The following SYNDIG1 variants were observed in gnomAD, a reference collection of about 807,000 sequenced individuals.
SYNDIG1 encodes synapse differentiation-inducing gene protein 1.
In SYNDIG1, 9 loss-of-function variants were observed where a neutral mutation model predicts 19.4. The observed-to-expected ratio is 0.46, with a 90% CI of 0.28 to 0.81. SYNDIG1 has a LOEUF of 0.81. Among genes scored for constraint, SYNDIG1 ranks in the 30% least tolerant of loss-of-function variants. The pLI is 0.12. For synonymous variants in SYNDIG1, 141 were observed against 145.9 expected (o/e 0.97, Z 0.24); for missense variants, 311 against 343.3 (o/e 0.91, Z 0.74).
At position 24,543,328 on chromosome 20, in the gene SYNDIG1, C is replaced by A; in HGVS notation, c.231C>A (p.Asn77Lys). The part of the protein sequence containing the change: ...SEPMQQLLDP[N>K]TLQQSVESRY... ...CGATGCAGCAGCTGCTGGACCCCAA[C>A]ACCCTGCAGCAGTCAGTGGAGTCCC... The change falls in exon 2 of 4, where the codon AAC becomes AAA. Residue 77 changes from asparagine (N) to lysine (K), a missense_variant. By Grantham distance (94) the Asn-to-Lys change is moderately conservative. Transcript: ENST00000376862. 1 of 1,613,566 alleles carries A rather than the reference C, an allele frequency of 6.2e-7. No homozygotes were observed. The highest frequency in any genetic ancestry group is 8.5e-7 in the Non-Finnish European group (1 of 1,180,022).
chr20:24,476,526 C>T (rs1427639641), intron 1 of SYNDIG1, among the ~76,000 whole-genome samples: 3 of 151,996 alleles, frequency 2.0e-5, no homozygotes, highest in East Asian at 2.0e-4. Flanking sequence ...AAAAATTAGC[C>T]GGACGTGGTG....
At chr20:24,532,040 G>A (rs1600540357) in intron 1 of SYNDIG1, among the ~76,000 whole-genome samples, 1 of 152,168 alleles carries the variant, frequency 6.6e-6, no homozygotes, top group African/African-American at 2.4e-5. Context: ...GTCACTTTGT[G>A]TTCCAGGCCA....
chr20:24,579,723 G>C (rs1439790600), intron 2 of SYNDIG1, among the ~76,000 whole-genome samples: 1 of 152,198 alleles, frequency 6.6e-6, no homozygotes, highest in Non-Finnish European at 1.5e-5. Context: ...CCTCAGTGCA[G>C]ATGTGGCCAT....
At chr20:24,531,973 C>A (rs964868679) in intron 1 of SYNDIG1, among the ~76,000 whole-genome samples, 5 of 152,230 alleles carry the variant, frequency 3.3e-5, no homozygotes, top group Non-Finnish European at 7.3e-5. Flanking sequence ...GAGGCTGCCT[C>A]CAGCAGGATT....
In SYNDIG1 at chr20:24,658,788, C is replaced by T. The variant is rs1197768529; in HGVS notation, c.619-6558C>T. Among the ~76,000 whole-genome samples, 3 of 152,134 alleles carry T rather than the reference C, an allele frequency of 2.0e-5. No individual in the cohort carries two copies. The highest frequency in any genetic ancestry group is 4.4e-5 in the Non-Finnish European group (3 of 68,020). ...CTTCTCCCAGCGGGGTCGTCTGCCT[C>T]GTTTTCTCCCAGATCCATGCTGTCC... On this transcript the variant is annotated intron_variant, in intron 3 of 3. Coordinates refer to ENST00000376862, the MANE Select transcript of SYNDIG1 (RefSeq NM_024893.3). The surrounding 1 kb of genome is among the most constrained non-coding windows in gnomAD (Gnocchi z 4.4).
chr20:24,613,869 C>T (rs181459069), intron 3 of SYNDIG1, among the ~76,000 whole-genome samples: 2 of 152,324 alleles, frequency 1.3e-5, no homozygotes, highest in Admixed American at 1.3e-4. Context: ...TAATCTAGGG[C>T]TTTGCGGGGA....
chr20:24,506,352 T>A (rs2056591341), intron 1 of SYNDIG1, among the ~76,000 whole-genome samples: 1 of 152,220 alleles, frequency 6.6e-6, no homozygotes, highest in African/African-American at 2.4e-5. Flanking sequence ...AGGGAAAGTG[T>A]GACTGTGATG....
intron 1 of SYNDIG1, among the ~76,000 whole-genome samples, chr20:24,513,291 C>T (rs1443094373): frequency 6.6e-6 from 1 of 152,204 alleles, no homozygotes; most frequent in African/African-American, 2.4e-5. Flanking sequence ...CTTTGACAAG[C>T]TGAGAGAAGA....
At chr20:24,630,202 G>T (rs1038386648) in intron 3 of SYNDIG1, among the ~76,000 whole-genome samples, 1 of 124,594 alleles carries the variant, frequency 8.0e-6, no homozygotes, top group African/African-American at 3.0e-5. Context: ...TATCATCAGG[G>T]GAGTACAAAA....
At chr20:24,504,008 G>A (rs186207863) in intron 1 of SYNDIG1, among the ~76,000 whole-genome samples, 3 of 142,188 alleles carry the variant, frequency 2.1e-5, no homozygotes, top group East Asian at 2.1e-4. Flanking sequence ...CGCCCAGGCT[G>A]TAGTACAGTG....
chr20:24,625,547 T>G (rs1320044715), intron 3 of SYNDIG1, among the ~76,000 whole-genome samples: 1 of 151,922 alleles, frequency 6.6e-6, no homozygotes, highest in East Asian at 1.9e-4. Context: ...TACTTGAGAT[T>G]AGGGAGTGAT....
intron 1 of SYNDIG1, among the ~76,000 whole-genome samples, chr20:24,485,831 G>A (rs553438702): frequency 1.3e-5 from 2 of 152,270 alleles, no homozygotes; most frequent in East Asian, 3.9e-4. Flanking sequence ...TAGTCCTTGT[G>A]GCCTTTCCCT....
Position 24,521,617 on chromosome 20 carries a change from G to A in SYNDIG1, c.-78-21403G>A, listed in dbSNP as rs1051739103. Among the ~76,000 whole-genome samples the A allele has an allele frequency of 5.3e-5, 8 of 152,092 alleles. 1 individual carries two copies. Among genetic ancestry groups the A allele is most frequent in the Middle Eastern group, 3.2e-3 (1 of 316 alleles). On this transcript the variant is annotated intron_variant, in intron 1 of 3. Transcript: ENST00000376862. Reference sequence around the variant, plus strand: ...ATATTTAAAATTTAAGTAGTACCTCGCCACACACAGTGGCTCACACGTGTA... The same window carrying A: ...ATATTTAAAATTTAAGTAGTACCTCACCACACACAGTGGCTCACACGTGTA...
At chr20:24,611,045 C>T (rs1020169319) in intron 3 of SYNDIG1, among the ~76,000 whole-genome samples, 1 of 152,184 alleles carries the variant, frequency 6.6e-6, no homozygotes, top group African/African-American at 2.4e-5. Flanking sequence ...CCTAGCTGAA[C>T]CACGCGATGC....
intron 1 of SYNDIG1, among the ~76,000 whole-genome samples, chr20:24,529,074 G>C (rs1221613493): frequency 6.6e-6 from 1 of 152,216 alleles, no homozygotes; most frequent in African/African-American, 2.4e-5. Context: ...AATTTTAGAG[G>C]TGAGAATGCG....
chr20:24,477,756 T>C (rs2055676517), intron 1 of SYNDIG1, among the ~76,000 whole-genome samples: 2 of 151,768 alleles, frequency 1.3e-5, no homozygotes, highest in South Asian at 4.2e-4. Flanking sequence ...GGAAGTGGAG[T>C]AGGGAGAGCC....
chr20:24,506,139 A>G (rs1390655998), intron 1 of SYNDIG1, among the ~76,000 whole-genome samples: 3 of 152,204 alleles, frequency 2.0e-5, no homozygotes, highest in South Asian at 2.1e-4. Context: ...GGTCTGGTTC[A>G]TAAATAATCT....
chr20:24,627,330 C>G (rs1317646170), intron 3 of SYNDIG1, among the ~76,000 whole-genome samples: 2 of 152,156 alleles, frequency 1.3e-5, no homozygotes, highest in African/African-American at 4.8e-5. Context: ...CCTGATTGCT[C>G]TACTTCAATG....
At position 24,638,413 on chromosome 20, in the gene SYNDIG1, G is replaced by A. The variant is rs560331054; in HGVS notation, c.619-26933G>A. On this transcript the variant is annotated intron_variant, in intron 3 of 3. Transcript: ENST00000376862. ...TCTGTCACCCAGGCTAGAGTGCAGC[G>A]GCACCATCAGGACTCACTGCATCCT... 3.3e-5 allele frequency among the ~76,000 whole-genome samples: 5 copies of A among 152,228 alleles called. 1 individual carries two copies. The highest frequency in any genetic ancestry group is 7.2e-5 in the African/African-American group (3 of 41,520).
Sources: gnomAD v4.1 joint callset for allele counts (sites outside exome capture counted in the v4.1 genomes callset) on GRCh38, gnomAD v4.1.1 for gene constraint, Gnocchi (gnomAD v3.1) non-coding constraint, MANE v1.5 for transcripts, NCBI Gene and HGNC (gene_info 2026-07-23, HGNC 2026-07-21) for gene names.